AXL: variants seen among roughly 807,000 people sequenced by gnomAD.
AXL encodes the protein AXL receptor tyrosine kinase.
Under a neutral mutation model 104.5 loss-of-function variants are expected in AXL, and 52 were observed. The ratio of observed to expected loss-of-function variants is 0.50; its 90% CI spans 0.40 to 0.63. AXL has a LOEUF of 0.63. AXL is among the 20% of genes least tolerant of loss of function. The pLI, the probability that AXL is intolerant of heterozygous loss-of-function variation, is 0.00. For synonymous variants in AXL, 455 were observed against 473.7 expected, an observed-to-expected ratio of 0.96 and a Z score of 0.51; for missense variants, 1,024 against 1,188.5, an observed-to-expected ratio of 0.86 and a Z score of 2.04.
chr19:41,233,150 C>T (rs887755353), intron 6 of AXL, among the ~76,000 whole-genome samples: 2 of 151,892 alleles, frequency 1.3e-5, no homozygotes, highest in African/African-American at 4.8e-5. Flanking sequence ...CCACCACGCC[C>T]AGCTAATTTT....
At chr19:41,259,480 T>G (rs1289177297) in intron 19 of AXL, 73 bp from the exon 20 acceptor site, 1 of 1,358,860 alleles carries the variant, frequency 7.4e-7, no homozygotes, top group Non-Finnish European at 1.0e-6. Context: ...TGTCCTAAAA[T>G]GTCCCCAGGC....
chr19:41,235,148 T>C (rs527852677), intron 6 of AXL, among the ~76,000 whole-genome samples: 26 of 152,132 alleles, frequency 1.7e-4, no homozygotes, highest in African/African-American at 5.8e-4. Flanking sequence ...GGTAGGGAGT[T>C]TGAGACCAGC....
rs2122198555 is a variant in AXL at position 41,221,902 on chromosome 19, G to A, written c.432G>A (p.Glu144=). Residue 144 remains glutamate, a synonymous_variant, in exon 4 of 20, where the codon GAG becomes GAA. Transcript: ENST00000301178. The part of the protein sequence containing the change: ...GLEGLPYFLE[E]PEDRTVAANT... ...TAGGCTTGCCTTACTTCCTGGAGGA[G>A]CCCGAAGACAGGACTGTGGCCGCCA... 1 of 1,613,780 alleles carries A rather than the reference G, an allele frequency of 6.2e-7. No homozygotes were observed. The highest frequency in any genetic ancestry group is 8.5e-7 in the Non-Finnish European group (1 of 1,179,926).
chr19:41,219,379 A>G lies in AXL; in HGVS notation c.-14A>G. The stretch of plus-strand genomic sequence containing the variant: ...GCTGGGAGCCCAACAACTTCTGAGG[A>G]AAGTTTGGCACCCATGGCGTGGCGG... On this transcript the variant is annotated 5_prime_UTR_variant, in exon 1 of 20. Transcript: ENST00000301178. 6.3e-7 allele frequency: 1 copy of G among 1,582,234 alleles called. No homozygotes were observed. The highest frequency in any genetic ancestry group is 8.6e-7 in the Non-Finnish European group (1 of 1,164,592).
At chr19:41,220,558 C>A (rs2033771045) in intron 1 of AXL, 78 bp from the exon 2 acceptor site, 1 of 1,285,708 alleles carries the variant, frequency 7.8e-7, no homozygotes, top group South Asian at 1.5e-5. Flanking sequence ...CGCCGGTGGG[C>A]AGGCAAGGAC....
chr19:41,250,723 G>A (rs533886956), intron 14 of AXL, among the ~76,000 whole-genome samples: 2 of 152,160 alleles, frequency 1.3e-5, no homozygotes, highest in Admixed American at 1.3e-4. Context: ...TTACAGGTGT[G>A]AGCCACCACA....
rs1433040441 is a variant in AXL at position 41,219,465 on chromosome 19, A to G, written c.73A>G (p.Met25Val). Reference sequence around the variant, plus strand: ...CTTGGCGCTGTGCGGCTGGGCGTGCATGGCCCCCAGGGGTGAGTGATGGGG... The same window carrying G: ...CTTGGCGCTGTGCGGCTGGGCGTGCGTGGCCCCCAGGGGTGAGTGATGGGG... ...WCLALCGWACMAPRGTQAEES... is the reference protein window; with the variant it reads ...WCLALCGWACVAPRGTQAEES... Residue 25 changes from methionine to valine, a missense_variant, in exon 1 of 20, where the codon ATG becomes GTG. By Grantham distance (21) the Met-to-Val change is conservative. Around this residue, in one of 5 missense-constraint regions of AXL, gnomAD observed 124 missense variants for 115.5 expected, o/e 1.07. Transcript: ENST00000301178. 6.3e-7 allele frequency: 1 copy of G among 1,576,138 alleles called. No homozygotes were observed. Among genetic ancestry groups the G allele is most frequent in the Non-Finnish European group, 8.6e-7 (1 of 1,158,716 alleles).
Position 41,219,282 on chromosome 19 carries a change from A to T in AXL, c.-111A>T. On this transcript the variant is annotated 5_prime_UTR_variant, in exon 1 of 20. Coordinates refer to ENST00000301178, the MANE Select transcript of AXL (RefSeq NM_021913.5). ...GGCCTCCCCTGCCGCTGTGCCAGGC[A>T]GGCAGTGCCAAATCCGGGGAGCCTG... 1 of 1,040,442 alleles carries T rather than the reference A, an allele frequency of 9.6e-7. No homozygotes were observed. Among genetic ancestry groups the T allele is most frequent in the Non-Finnish European group, 1.4e-6 (1 of 723,354 alleles). The allele number at this position is 1,040,442 out of a possible 1,614,324, so 64.5% of individuals were successfully genotyped here. A position where few individuals can be genotyped will look rare whatever the true frequency, so the allele number is the denominator to read the frequency against.
In AXL at chr19:41,261,760, T is replaced by G. The variant is rs1269725790; in HGVS notation, c.*1856T>G. ...CTCAGGTCACATAAAACTTTGTATA[T>G]CAACGAGCTTCTGTCTCCTCTTGTC... On this transcript the variant is annotated 3_prime_UTR_variant, in exon 20 of 20. Coordinates refer to ENST00000301178, the MANE Select transcript of AXL (RefSeq NM_021913.5). 2 of 152,364 alleles carry G rather than the reference T, an allele frequency of 1.3e-5. No homozygotes were observed. The highest frequency in any genetic ancestry group is 2.9e-5 in the Non-Finnish European group (2 of 68,042). 9.4% of individuals were successfully genotyped at this position (152,364 alleles called of 1,614,324 possible). A position where few individuals can be genotyped will look rare whatever the true frequency, so the allele number is the denominator to read the frequency against.
At chr19:41,225,726 CTG>C (rs936756584) in intron 4 of AXL, among the ~76,000 whole-genome samples, 12 of 152,064 alleles carry the variant, frequency 7.9e-5, no homozygotes, top group Non-Finnish European at 1.3e-4. Context: ...TTTTGTGTCA[CTG>C]TGTTTGTGAC....
intron 6 of AXL, among the ~76,000 whole-genome samples, chr19:41,235,864 A>G (rs991292558): frequency 1.3e-5 from 2 of 152,226 alleles, no homozygotes; most frequent in Non-Finnish European, 1.5e-5. Flanking sequence ...AAAGGCACTC[A>G]GTACATGTTG....
chr19:41,238,010 A>G lies in AXL; in HGVS notation c.850A>G (p.Thr284Ala). 6.2e-7 allele frequency: 1 copy of G among 1,613,078 alleles called. No individual in the cohort carries two copies. The highest frequency in any genetic ancestry group is 8.5e-7 in the Non-Finnish European group (1 of 1,179,738). ...GEPDPPEEPL[T>A]SQASVPPHQL... Reference sequence around the variant, plus strand: ...ACCAGACCCCCCAGAGGAGCCCCTCACCTCGCAAGCATCCGTGCCCCCCCA... The same window carrying G: ...ACCAGACCCCCCAGAGGAGCCCCTCGCCTCGCAAGCATCCGTGCCCCCCCA... Residue 284 changes from threonine to alanine, a missense_variant, in exon 7 of 20, where the codon ACC becomes GCC. Physicochemically the swap from Thr to Ala is moderately conservative, Grantham distance 58 (BLOSUM62 0). Coordinates refer to ENST00000301178, the MANE Select transcript of AXL (RefSeq NM_021913.5).
intron 16 of AXL, 144 bp downstream of exon 16, chr19:41,253,111 T>C: frequency 4.9e-6 from 4 of 817,836 alleles, no homozygotes; most frequent in Non-Finnish European, 7.5e-6. Context: ...GGGCGGATGA[T>C]AAACAAGCTA....
At chr19:41,247,377 G>A (rs1265235767) in intron 12 of AXL, among the ~76,000 whole-genome samples, 1 of 152,188 alleles carries the variant, frequency 6.6e-6, no homozygotes, top group African/African-American at 2.4e-5. Context: ...GCTGGGCGTA[G>A]TGGCACATGC....
chr19:41,232,635 A>G (rs1333917595), intron 6 of AXL, among the ~76,000 whole-genome samples: 1 of 152,028 alleles, frequency 6.6e-6, no homozygotes, highest in African/African-American at 2.4e-5. Context: ...AGAAAAAAAA[A>G]AAAAGAAAGA....
intron 3 of AXL, chr19:41,221,666 C>G (rs1309667196): frequency 8.8e-6 from 5 of 566,428 alleles, no homozygotes; most frequent in Non-Finnish European, 1.5e-5. Flanking sequence ...ACATGAGGAG[C>G]TCAGCTATCG....
At chr19:41,226,474 G>T (rs1233480902) in intron 4 of AXL, among the ~76,000 whole-genome samples, 1 of 152,316 alleles carries the variant, frequency 6.6e-6, no homozygotes, top group African/African-American at 2.4e-5. Context: ...GTCTGGGAAC[G>T]GCCACCTAGG....
chr19:41,239,398 C>T (rs2034141079), intron 9 of AXL, 84 bp downstream of exon 9: 2 of 1,509,594 alleles, frequency 1.3e-6, no homozygotes, highest in Non-Finnish European at 1.8e-6. Context: ...TTCAGTGTTA[C>T]CGCAACTTAG....
chr19:41,226,665 C>A, intron 4 of AXL: 1 of 852,580 alleles, frequency 1.2e-6, no homozygotes, highest in Non-Finnish European at 1.4e-6. Context: ...GACACGTACA[C>A]AGATACTCAA....
Sources: allele counts gnomAD v4.1 joint callset (sites outside exome capture counted in the v4.1 genomes callset), GRCh38; gene constraint gnomAD v4.1.1; regional missense constraint gnomAD v4.1.1; transcripts MANE v1.5; gene names NCBI Gene and HGNC (gene_info 2026-07-23, HGNC 2026-07-21).